The following TBC1D31 variants were observed in gnomAD, a reference collection of about 807,000 sequenced individuals.
TBC1D31 encodes WD repeat domain 67.
In TBC1D31, 99 loss-of-function variants were observed where a neutral mutation model predicts 132.9. The observed-to-expected ratio is 0.74, with a 90% CI of 0.63 to 0.88. The LOEUF is 0.88. Ranked by LOEUF, TBC1D31 falls within the 40% of genes least tolerant of loss-of-function variation. The pLI is 0.00. For missense variants in TBC1D31, 1,134 were observed against 1,256.6 expected, an observed-to-expected ratio of 0.90 and a Z score of 1.48; for synonymous variants, 385 against 419.4, an observed-to-expected ratio of 0.92 and a Z score of 1.00.
chr8:123,125,922 C>A, intron 11 of TBC1D31, 134 bp from the exon 12 acceptor site: 1 of 635,858 alleles, frequency 1.6e-6, no homozygotes, highest in Non-Finnish European at 2.3e-6. Flanking sequence ...GATTGTCATA[C>A]AATATAAAGA....
At chr8:123,097,492 G>A (rs376229869) in intron 6 of TBC1D31, 51 bp downstream of exon 6, 81 of 1,572,014 alleles carry the variant, frequency 5.2e-5, no homozygotes, top group East Asian at 3.6e-4. Flanking sequence ...GAACGCATCC[G>A]TCTCTGAACT....
intron 4 of TBC1D31, among the ~76,000 whole-genome samples, chr8:123,086,448 G>A (rs539853157): frequency 6.6e-6 from 1 of 152,296 alleles, no homozygotes; most frequent in African/African-American, 2.4e-5. Context: ...AGAGCCGGCA[G>A]GGTGTGAAGC....
intron 18 of TBC1D31, among the ~76,000 whole-genome samples, 196 bp downstream of exon 18, chr8:123,141,097 T>A (rs1374404029): frequency 6.6e-6 from 1 of 152,240 alleles, no homozygotes; most frequent in Non-Finnish European, 1.5e-5. Context: ...TCACATGATA[T>A]GCATGTCTTT....
intron 13 of TBC1D31, chr8:123,128,040 A>C (rs1007191645): frequency 9.8e-6 from 3 of 304,628 alleles, no homozygotes; most frequent in Admixed American, 4.9e-5. Context: ...TTCTTTTTCT[A>C]TTGTAAGAAA....
chr8:123,105,738 A>G (rs1361573872), intron 8 of TBC1D31, among the ~76,000 whole-genome samples: 1 of 152,196 alleles, frequency 6.6e-6, no homozygotes, highest in Non-Finnish European at 1.5e-5. Context: ...TATAGCTATT[A>G]ATAGAGAAGT....
intron 20 of TBC1D31, among the ~76,000 whole-genome samples, chr8:123,147,441 G>T (rs1291571108): frequency 6.6e-6 from 1 of 152,068 alleles, no homozygotes; most frequent in Non-Finnish European, 1.5e-5. Flanking sequence ...CAAAGTGCTG[G>T]GATTACAGGC....
intron 8 of TBC1D31, among the ~76,000 whole-genome samples, chr8:123,107,217 A>G (rs1327586941): frequency 6.6e-6 from 1 of 152,234 alleles, no homozygotes; most frequent in Non-Finnish European, 1.5e-5. Context: ...CACCAGCCAA[A>G]GGCTGACCTT....
At chr8:123,086,257 C>G (rs1486090548) in intron 4 of TBC1D31, among the ~76,000 whole-genome samples, 1 of 152,204 alleles carries the variant, frequency 6.6e-6, no homozygotes, top group African/African-American at 2.4e-5. Context: ...CTAACCCTTT[C>G]TTCAATTGTG....
At chr8:123,156,424 GA>G (rs1822989895), downstream of TBC1D31, among the ~76,000 whole-genome samples, 1 of 133,238 alleles carries the variant, frequency 7.5e-6, no homozygotes, top group African/African-American at 2.9e-5. Flanking sequence ...CTGGGCAACA[GA>G]GTGAGACCCT....
chr8:123,119,817 C>T (rs941773854), intron 10 of TBC1D31, among the ~76,000 whole-genome samples: 3 of 152,158 alleles, frequency 2.0e-5, no homozygotes, highest in Admixed American at 2.0e-4. Context: ...TAAACTATTT[C>T]CAAGATACCA....
At chr8:123,154,838 T>C (rs1822945468), downstream of TBC1D31, among the ~76,000 whole-genome samples, 1 of 152,158 alleles carries the variant, frequency 6.6e-6, no homozygotes, top group African/African-American at 2.4e-5. Flanking sequence ...GCACCACTGG[T>C]GGGCCGTGAA....
At chr8:123,139,701 T>G (rs1037185266) in intron 17 of TBC1D31, among the ~76,000 whole-genome samples, 1 of 152,174 alleles carries the variant, frequency 6.6e-6, no homozygotes, top group East Asian at 1.9e-4. Flanking sequence ...GCCTTACACA[T>G]GCACATGACC....
chr8:123,139,194 A>G (rs1821395019), intron 17 of TBC1D31, among the ~76,000 whole-genome samples: 1 of 150,804 alleles, frequency 6.6e-6, no homozygotes, highest in South Asian at 2.1e-4. Flanking sequence ...TCCTCAACTT[A>G]TGATGGGGTT....
rs1434365117 is a variant in TBC1D31, at chr8:123,101,008, G to C, written c.1032+1G>C. 1.2e-6 allele frequency: 2 copies of C among 1,600,812 alleles called. No homozygotes were observed. The highest frequency in any genetic ancestry group is 4.5e-5 in the East Asian group (2 of 44,732). On this transcript the variant is annotated splice_donor_variant, in intron 7 of 21. Coordinates refer to ENST00000287380, the MANE Select transcript of TBC1D31 (RefSeq NM_145647.4). LOFTEE classifies it high-confidence loss of function. ...GGCTTTAACACAAGAAATAAATAAGGTATGTATGATGAAGTAATCAACATC... is the reference window on the plus strand; with the variant it reads ...GGCTTTAACACAAGAAATAAATAAGCTATGTATGATGAAGTAATCAACATC...
At chr8:123,115,739 C>T (rs1239522298) in intron 10 of TBC1D31, among the ~76,000 whole-genome samples, 1 of 152,144 alleles carries the variant, frequency 6.6e-6, no homozygotes. Context: ...CTTCAAAGCA[C>T]CTCTCTAACC....
intron 2 of TBC1D31, among the ~76,000 whole-genome samples, chr8:123,079,981 C>G (rs1814967488): frequency 6.6e-6 from 1 of 152,206 alleles, no homozygotes; most frequent in African/African-American, 2.4e-5. Context: ...ATTCCCTTTT[C>G]ACTGTTGGTT....
Position 123,129,099 on chromosome 8 carries a change from C to A in TBC1D31, c.2151C>A (p.Asp717Glu). Reference protein sequence around the residue: ...QTVEDMQAKVDQQRVEDEAWY... With the variant: ...QTVEDMQAKVEQQRVEDEAWY... Reference sequence around the variant, plus strand: ...TTGAAGATATGCAAGCTAAAGTCGACCAGCAAAGAGTTGAAGATGAAGCTT... The same window carrying A: ...TTGAAGATATGCAAGCTAAAGTCGAACAGCAAAGAGTTGAAGATGAAGCTT... Residue 717 changes from aspartate (D) to glutamate (E), a missense_variant, in exon 15 of 22, where the codon GAC (aspartate) becomes GAA (glutamate). Transcript: ENST00000287380. The A allele has an allele frequency of 6.2e-7, 1 of 1,604,822 alleles. No homozygotes were observed. Among genetic ancestry groups the A allele is most frequent in the Non-Finnish European group, 8.5e-7 (1 of 1,174,090 alleles).
intron 19 of TBC1D31, 83 bp from the exon 20 acceptor site, chr8:123,144,634 A>G (rs1431831879): frequency 1.5e-6 from 2 of 1,300,250 alleles, no homozygotes; most frequent in Non-Finnish European, 2.1e-6. Flanking sequence ...GTGGATAGAG[A>G]AGACAGAAGT....
chr8:123,106,205 C>T lies in TBC1D31; in HGVS notation c.1209+741C>T, dbSNP rs1817907420. On this transcript the variant is annotated intron_variant, in intron 8 of 21. Coordinates refer to ENST00000287380, the MANE Select transcript of TBC1D31 (RefSeq NM_145647.4). Reference sequence around the variant, plus strand: ...TCCAAATATATTCAAAGGAAGATTTCAGAAAAAACAATTCATAAGTTTTAA... The same window carrying T: ...TCCAAATATATTCAAAGGAAGATTTTAGAAAAAACAATTCATAAGTTTTAA... Among the ~76,000 whole-genome samples the T allele has an allele frequency of 3.9e-5, 6 of 152,112 alleles. No homozygotes were observed. The South Asian group carries it at 1.2e-3, about 32-fold the overall frequency.
Sources: gnomAD v4.1 joint callset for allele counts (sites outside exome capture counted in the v4.1 genomes callset) on GRCh38, gnomAD v4.1.1 for gene constraint, MANE v1.5 for transcripts, NCBI Gene and HGNC (gene_info 2026-07-23, HGNC 2026-07-21) for gene names.